The following VWA3B variants were observed in gnomAD, a reference collection of about 807,000 sequenced individuals.
VWA3B encodes von Willebrand factor A domain containing 3B.
Under a neutral mutation model 158.3 loss-of-function variants are expected in VWA3B, and 138 were observed. That is an observed-to-expected ratio of 0.87 (90% CI 0.76 to 1.00). The LOEUF (loss-of-function observed/expected upper bound fraction) is 1.00, where lower values mean the gene tolerates loss of function less well. Among genes scored for constraint, VWA3B ranks in the 50% least tolerant of loss-of-function variants. The pLI is 0.00. For missense variants in VWA3B, 1,555 were observed against 1,565.1 expected (o/e 0.99, Z 0.11); for synonymous variants, 596 against 587.3 (o/e 1.01, Z -0.21).
At chr2:98,186,719 C>A (rs1362138904) in intron 9 of VWA3B, among the ~76,000 whole-genome samples, 1 of 152,058 alleles carries the variant, frequency 6.6e-6, no homozygotes, top group African/African-American at 2.4e-5. Flanking sequence ...TGCCCGGGGC[C>A]ATGCAACTCC....
chr2:98,127,731 C>G (rs1253849080), intron 5 of VWA3B, among the ~76,000 whole-genome samples: 1 of 152,108 alleles, frequency 6.6e-6, no homozygotes, highest in Non-Finnish European at 1.5e-5. Context: ...GACAGCCTCA[C>G]CCCAGCTCCG....
At chr2:98,211,117 G>C (rs543680324) in intron 12 of VWA3B, among the ~76,000 whole-genome samples, 10 of 152,342 alleles carry the variant, frequency 6.6e-5, no homozygotes, top group Admixed American at 4.6e-4. Flanking sequence ...TCCCAACCCA[G>C]GTTATCCTGT....
chr2:98,230,935 C>A lies in VWA3B; in HGVS notation c.2308+728C>A, dbSNP rs1441026966. On this transcript the variant is annotated intron_variant, in intron 16 of 27. Coordinates refer to ENST00000477737, the MANE Select transcript of VWA3B (RefSeq NM_144992.5). ...ACCAAAAATACAAGTCCTAGAGCTA[C>A]TGAGTTCAGCAAGGTCTCTGGCTAC... 2.0e-5 allele frequency among the ~76,000 whole-genome samples: 3 copies of A among 152,210 alleles called. No homozygotes were observed. In the South Asian group the frequency reaches 6.2e-4, roughly 32 times the overall value.
chr2:98,179,957 C>G (rs760548337), intron 8 of VWA3B, among the ~76,000 whole-genome samples: 72 of 124,692 alleles, frequency 5.8e-4, no homozygotes, highest in Non-Finnish European at 1.0e-3. Flanking sequence ...CTCTCTTTCT[C>G]TTTCTTTCCT....
chr2:98,118,886 G>C (rs1359332274), intron 3 of VWA3B, among the ~76,000 whole-genome samples: 2 of 152,232 alleles, frequency 1.3e-5, no homozygotes, highest in Non-Finnish European at 2.9e-5. Context: ...CTATGTGAAG[G>C]ATGGTTTATT....
intron 15 of VWA3B, among the ~76,000 whole-genome samples, chr2:98,229,477 G>A (rs551441393): frequency 3.3e-5 from 5 of 152,226 alleles, no homozygotes; most frequent in African/African-American, 4.8e-5. Flanking sequence ...TGTCTTCAGC[G>A]CTTCAGAGAA....
chr2:98,091,698 A>G (rs550608816), intron 1 of VWA3B, among the ~76,000 whole-genome samples: 3 of 152,248 alleles, frequency 2.0e-5, no homozygotes, highest in Admixed American at 2.0e-4. Context: ...ACTTGGTCCA[A>G]CTGATTTTTG....
At chr2:98,207,891 C>A (rs781369451) in intron 12 of VWA3B, among the ~76,000 whole-genome samples, 20 of 151,890 alleles carry the variant, frequency 1.3e-4, no homozygotes, top group Non-Finnish European at 2.4e-4. Flanking sequence ...AATGTACACC[C>A]CTCAGAAAAA....
chr2:98,182,591 G>A (rs1680686056), intron 9 of VWA3B, among the ~76,000 whole-genome samples: 1 of 152,142 alleles, frequency 6.6e-6, no homozygotes, highest in South Asian at 2.1e-4. Context: ...ACATTATTCT[G>A]TAATGTTCAG....
chr2:98,132,446 C>G (rs1350080043), intron 6 of VWA3B, among the ~76,000 whole-genome samples: 3 of 152,232 alleles, frequency 2.0e-5, no homozygotes, highest in African/African-American at 7.2e-5. Flanking sequence ...CAACTGGACT[C>G]CGGCTTCCCC....
intron 12 of VWA3B, among the ~76,000 whole-genome samples, chr2:98,209,590 G>T (rs572678508): frequency 9.9e-5 from 15 of 152,162 alleles, no homozygotes; most frequent in South Asian, 8.3e-4. Flanking sequence ...AAAATTTGGG[G>T]TTTTTTTCAG....
At chr2:98,302,057 C>T (rs1400847277) in intron 25 of VWA3B, among the ~76,000 whole-genome samples, 1 of 152,194 alleles carries the variant, frequency 6.6e-6, no homozygotes, top group Admixed American at 6.5e-5. Flanking sequence ...TCGTGTCACC[C>T]TCAGGGAGTA....
intron 7 of VWA3B, among the ~76,000 whole-genome samples, chr2:98,151,119 ATT>A (rs112339447): frequency 2.1e-5 from 3 of 143,974 alleles, no homozygotes; most frequent in Non-Finnish European, 4.6e-5. Flanking sequence ...ACTAGTGCTA[ATT>A]TTTTTTTTTT....
intron 14 of VWA3B, 62 bp from the exon 15 acceptor site, chr2:98,228,140 A>G: frequency 1.3e-6 from 2 of 1,509,534 alleles, no homozygotes; most frequent in Admixed American, 2.1e-5. Flanking sequence ...GAAAAGAAAC[A>G]TGTTTGGAAT....
rs761912629 is a variant in VWA3B, at chr2:98,312,697, C to T, written c.*348C>T. 4.6e-6 allele frequency: 1 copy of T among 219,378 alleles called. No homozygotes were observed. Among genetic ancestry groups the T allele is most frequent in the Non-Finnish European group, 9.0e-6 (1 of 111,068 alleles). The allele number at this position is 219,378 out of a possible 1,614,324, so 13.6% of individuals were successfully genotyped here. A position where few individuals can be genotyped will look rare whatever the true frequency, so the allele number is the denominator to read the frequency against. ...GTTTAGCAGTCAGCATAGTCAGGAT[C>T]CAAGCCCGCAATCTTGTTTTAAATT... is the stretch of plus-strand genomic sequence containing the variant. On this transcript the variant is annotated 3_prime_UTR_variant, in exon 28 of 28. Transcript: ENST00000477737.
rs749142414 is a variant in VWA3B at position 98,121,378 on chromosome 2, G to C, written c.622G>C (p.Val208Leu). Residue 208 changes from valine to leucine, a missense_variant, in exon 5 of 28, where the codon GTT (valine) becomes CTT (leucine). Physicochemically the swap from Val to Leu is conservative, Grantham distance 32. Coordinates refer to ENST00000477737, the MANE Select transcript of VWA3B (RefSeq NM_144992.5). ...EQSIATAISW[V>L]EKLTVELTVS... ...GTCCATAGCTACTGCCATCAGTTGGGTTGAGAAACTGACGGTTGAGCTGAC... is the reference window on the plus strand; with the variant it reads ...GTCCATAGCTACTGCCATCAGTTGGCTTGAGAAACTGACGGTTGAGCTGAC... 6.2e-7 allele frequency: 1 copy of C among 1,614,224 alleles called. No homozygotes were observed. The highest frequency in any genetic ancestry group is 1.3e-5 in the African/African-American group (1 of 75,052).
At chr2:98,322,506 G>A in the VWA3B span, among the ~76,000 whole-genome samples, 1 of 152,178 alleles carries the variant, frequency 6.6e-6, no homozygotes, top group Non-Finnish European at 1.5e-5. Flanking sequence ...CCTAAATTAG[G>A]CATGTACAAG....
intron 12 of VWA3B, 54 bp from the exon 13 acceptor site, chr2:98,211,876 T>G: frequency 6.8e-7 from 1 of 1,470,894 alleles, no homozygotes; most frequent in Non-Finnish European, 9.4e-7. Context: ...AATACTTGTT[T>G]GTGAATTCTT....
At chr2:98,109,594 C>A (rs1673974460) in intron 2 of VWA3B, among the ~76,000 whole-genome samples, 1 of 152,090 alleles carries the variant, frequency 6.6e-6, no homozygotes, top group African/African-American at 2.4e-5. Flanking sequence ...TATAGTTTTG[C>A]TTACTGTGTT....
Sources: gnomAD v4.1 joint callset for allele counts (sites outside exome capture counted in the v4.1 genomes callset) on GRCh38, gnomAD v4.1.1 for gene constraint, MANE v1.5 for transcripts, NCBI Gene and HGNC (gene_info 2026-07-23, HGNC 2026-07-21) for gene names.